The following CLIP4 variants were observed in gnomAD, a reference collection of about 807,000 sequenced individuals.
The protein encoded by CLIP4 is CAP-Gly domain-containing linker protein 4.
A neutral mutation model predicts 73.1 loss-of-function variants in CLIP4; 47 were observed. The ratio of observed to expected loss-of-function variants is 0.64; its 90% CI spans 0.51 to 0.82. The LOEUF (loss-of-function observed/expected upper bound fraction) is 0.82. CLIP4 is among the 40% of genes least tolerant of loss of function. CLIP4 has a pLI of 0.00. For synonymous variants in CLIP4, 306 were observed against 295.4 expected, an observed-to-expected ratio of 1.04 and a Z score of -0.37; for missense variants, 874 against 852.9, an observed-to-expected ratio of 1.02 and a Z score of -0.31.
At chr2:29,163,766 G>C (rs1667433335) in intron 12 of CLIP4, 65 bp from the exon 13 acceptor site, 1 of 1,508,594 alleles carries the variant, frequency 6.6e-7, no homozygotes, top group East Asian at 2.3e-5. Flanking sequence ...CTTTGGTTTT[G>C]TATAGTAGCA....
intron 1 of CLIP4, among the ~76,000 whole-genome samples, chr2:29,117,344 G>A (rs1160969899): frequency 7.1e-6 from 1 of 141,720 alleles, no homozygotes; most frequent in African/African-American, 2.6e-5. Context: ...TTTTGTTTTT[G>A]TTTTTTTTTT....
chr2:29,121,505 A>G lies in CLIP4; in HGVS notation c.117A>G (p.Pro39=). The G allele has an allele frequency of 6.2e-7, 1 of 1,613,604 alleles. No individual in the cohort carries two copies. The highest frequency in any genetic ancestry group is 8.5e-7 in the Non-Finnish European group (1 of 1,179,828). ...TPVIFSISAA[P]MPSDCEFSFF... The stretch of plus-strand genomic sequence containing the variant: ...TTATCTTTTCCATTTCTGCAGCACC[A>G]ATGCCTTCAGACTGTGGTATGTGAA... Residue 39 remains proline (P), a synonymous_variant, in exon 2 of 16, where the codon CCA becomes CCG. Transcript: ENST00000320081.
In CLIP4 at chr2:29,181,594, A is replaced by G. The variant is rs200138252; in HGVS notation, c.1819A>G (p.Ser607Gly). The G allele has an allele frequency of 1.2e-6, 2 of 1,609,590 alleles. No individual in the cohort carries two copies. Among genetic ancestry groups the G allele is most frequent in the East Asian group, 2.2e-5 (1 of 44,744 alleles). The change falls in exon 16 of 16, where the codon AGT becomes GGT. Residue 607 changes from serine (S) to glycine (G), a missense_variant. Ser to Gly is a moderately conservative substitution (Grantham distance 56). Coordinates refer to ENST00000320081, the MANE Select transcript of CLIP4 (RefSeq NM_024692.6). ...FSKSKAALRR[S>G]WSSTPTAGGI... ...CAGATCGAAAGCTGCTTTGCGTCGC[A>G]GTTGGAGCAGCACCCCCACCGCAGG...
At chr2:29,101,900 G>T (rs955307685) in intron 1 of CLIP4, among the ~76,000 whole-genome samples, 9 of 152,212 alleles carry the variant, frequency 5.9e-5, no homozygotes, top group Non-Finnish European at 1.2e-4. Context: ...CACTGCTTCT[G>T]GGGGAGAGCT....
At chr2:29,130,984 C>A in intron 2 of CLIP4, 1 of 1,075,084 alleles carries the variant, frequency 9.3e-7, no homozygotes, top group African/African-American at 1.6e-5. Flanking sequence ...ACTAGCTGTG[C>A]GATGTTGAGC....
chr2:29,117,589 C>T (rs1663951250), intron 1 of CLIP4, among the ~76,000 whole-genome samples: 1 of 152,212 alleles, frequency 6.6e-6, no homozygotes, highest in African/African-American at 2.4e-5. Flanking sequence ...ATCTCGGCCT[C>T]CCGAAGTGTT....
At position 29,144,318 on chromosome 2, in the gene CLIP4, C is replaced by G. The variant is rs556176566; in HGVS notation, c.885+373C>G. ...TCCATAGAAATGGAGCACAGGAGAC[C>G]CTTGCTGTTCATGGGTGTTTGTCTT... On this transcript the variant is annotated intron_variant, in intron 7 of 15. Transcript: ENST00000320081. Among the ~76,000 whole-genome samples the G allele has an allele frequency of 3.9e-5, 6 of 152,168 alleles. No homozygotes were observed. The South Asian group carries it at 1.2e-3, about 32-fold the overall frequency.
intron 1 of CLIP4, among the ~76,000 whole-genome samples, chr2:29,108,055 G>T (rs1303608150): frequency 6.6e-6 from 1 of 151,262 alleles, no homozygotes; most frequent in Non-Finnish European, 1.5e-5. Context: ...AAAGAAGAAA[G>T]AATAATATAC....
intron 15 of CLIP4, among the ~76,000 whole-genome samples, chr2:29,176,444 T>G (rs1462463583): frequency 6.6e-6 from 1 of 152,170 alleles, no homozygotes; most frequent in East Asian, 1.9e-4. Flanking sequence ...GGTAGAAACT[T>G]GAAGGCCTTG....
intron 11 of CLIP4, among the ~76,000 whole-genome samples, chr2:29,159,297 C>G (rs528055521): frequency 6.6e-6 from 1 of 152,220 alleles, no homozygotes; most frequent in East Asian, 1.9e-4. Flanking sequence ...CTCCAGAGTT[C>G]TCTACTCCCT....
rs578105577 is a variant in CLIP4 at position 29,119,364 on chromosome 2, A to T, written c.-15-2010A>T. ...GAGGATCTCAACAGTTTACAAGGAA[A>T]TGAAAGGTGCTCTGGGGATCACTTA... On this transcript the variant is annotated intron_variant, in intron 1 of 15. Coordinates refer to ENST00000320081, the MANE Select transcript of CLIP4 (RefSeq NM_024692.6). Among the ~76,000 whole-genome samples, 3 of 152,334 alleles carry T rather than the reference A, an allele frequency of 2.0e-5. No individual in the cohort carries two copies. The East Asian group carries it at 5.8e-4, about 29-fold the overall frequency.
At chr2:29,165,524 G>T (rs974219765) in intron 13 of CLIP4, among the ~76,000 whole-genome samples, 13 of 152,144 alleles carry the variant, frequency 8.5e-5, no homozygotes, top group African/African-American at 2.9e-4. Context: ...ACCCTATAAC[G>T]GTTAGAAGAG....
chr2:29,120,986 G>A (rs1423623538), intron 1 of CLIP4, among the ~76,000 whole-genome samples: 1 of 152,142 alleles, frequency 6.6e-6, no homozygotes, highest in Non-Finnish European at 1.5e-5. Context: ...GCTATTGGAT[G>A]ACAAATGATG....
upstream of CLIP4, chr2:29,114,234 C>G (rs1043810262): frequency 3.3e-5 from 5 of 152,364 alleles, no homozygotes; most frequent in African/African-American, 1.2e-4. Context: ...TGGCAGGCCA[C>G]CCACTCATTC....
At chr2:29,125,585 C>T (rs943391597) in intron 2 of CLIP4, among the ~76,000 whole-genome samples, 4 of 152,134 alleles carry the variant, frequency 2.6e-5, no homozygotes, top group Middle Eastern at 3.2e-3. Context: ...CTCAACTCAG[C>T]GAGTTTGCTG....
chr2:29,150,687 G>T (rs1278678751), intron 8 of CLIP4, among the ~76,000 whole-genome samples: 1 of 103,236 alleles, frequency 9.7e-6, no homozygotes, highest in African/African-American at 3.7e-5. Flanking sequence ...CTCTCACTCT[G>T]TTGCCCAGGC....
intron 15 of CLIP4, among the ~76,000 whole-genome samples, chr2:29,174,952 C>G (rs1668237504): frequency 6.6e-6 from 1 of 151,986 alleles, no homozygotes; most frequent in Non-Finnish European, 1.5e-5. Context: ...TCCCTGAGAC[C>G]CACTTCACTA....
At chr2:29,146,626 G>A (rs559748651) in intron 8 of CLIP4, among the ~76,000 whole-genome samples, 19 of 152,194 alleles carry the variant, frequency 1.2e-4, no homozygotes, top group South Asian at 2.1e-4. Context: ...TGTTTTCCAC[G>A]ATTGTGTAGT....
At chr2:29,123,641 C>G (rs1486084787) in intron 2 of CLIP4, among the ~76,000 whole-genome samples, 1 of 152,080 alleles carries the variant, frequency 6.6e-6, no homozygotes, top group Non-Finnish European at 1.5e-5. Context: ...TTGGTATATC[C>G]TAAGAATTAA....
Sources: gnomAD v4.1 joint callset for allele counts (sites outside exome capture counted in the v4.1 genomes callset) on GRCh38, gnomAD v4.1.1 for gene constraint, MANE v1.5 for transcripts, NCBI Gene and HGNC (gene_info 2026-07-23, HGNC 2026-07-21) for gene names.